SLC30A10: variants seen among roughly 807,000 people sequenced by gnomAD.
SLC30A10 encodes the protein solute carrier family 30 member 10.
A neutral mutation model predicts 21.7 loss-of-function variants in SLC30A10; 8 were observed. The ratio of observed to expected loss-of-function variants is 0.37; its 90% CI spans 0.22 to 0.67. The LOEUF (loss-of-function observed/expected upper bound fraction) is 0.67. Ranked by LOEUF, SLC30A10 falls within the 30% of genes least tolerant of loss-of-function variation. The pLI is 0.58. For missense variants in SLC30A10, 521 were observed against 642.5 expected (o/e 0.81, Z 2.04); for synonymous variants, 272 against 279.4 (o/e 0.97, Z 0.26).
At position 219,944,664 on chromosome 1, in the gene SLC30A10, A is replaced by T. The variant is rs144463589; in HGVS notation, n.80+13904T>A. Among the ~76,000 whole-genome samples the T allele has an allele frequency of 7.1e-3, 1,085 of 152,334 alleles. 8 individuals carry two copies. Among genetic ancestry groups the T allele is most frequent in the African/African-American group, 0.024 (1,014 of 41,576 alleles). ...TTATTCAAACTAGCAAAGTATTGACAGCATTAGCCAGTGATAAGTTATGTA... is the reference window on the plus strand; with the variant it reads ...TTATTCAAACTAGCAAAGTATTGACTGCATTAGCCAGTGATAAGTTATGTA... On this transcript the variant is annotated intron_variant and non_coding_transcript_variant, in intron 1 of 8. Transcript: ENST00000484239.
At chr1:219,935,944 C>A (rs1354250434) in intron 1 of SLC30A10, among the ~76,000 whole-genome samples, 1 of 151,994 alleles carries the variant, frequency 6.6e-6, no homozygotes, top group Non-Finnish European at 1.5e-5. Flanking sequence ...AAAATAAAAT[C>A]TTTTGTAAAT....
rs1228465771 is a variant in SLC30A10, at chr1:219,913,945, T to C, written c.*1504A>G. ...AAAAGAAAAAAATAATAATTTCCTA[T>C]CCTACGGATCATAGCTGCTTATTTA... On this transcript the variant is annotated 3_prime_UTR_variant, in exon 4 of 4. Coordinates refer to ENST00000366926, the MANE Select transcript of SLC30A10 (RefSeq NM_018713.3). 5 of 152,162 alleles carry C rather than the reference T, an allele frequency of 3.3e-5. No individual in the cohort carries two copies. Among genetic ancestry groups the C allele is most frequent in the Non-Finnish European group, 7.3e-5 (5 of 68,040 alleles). The allele number at this position is 152,162 out of a possible 1,614,324, so 9.4% of individuals were successfully genotyped here. A position where few individuals can be genotyped will look rare whatever the true frequency, so the allele number is the denominator to read the frequency against.
At position 219,928,437 on chromosome 1, in the gene SLC30A10, C is replaced by T; in HGVS notation, c.4G>A (p.Gly2Ser). 1 of 1,606,740 alleles carries T rather than the reference C, an allele frequency of 6.2e-7. No homozygotes were observed. The highest frequency in any genetic ancestry group is 1.1e-5 in the South Asian group (1 of 90,362). The change falls in exon 1 of 4, where the codon GGC becomes AGC. Residue 2 changes from glycine to serine, a missense_variant. Gly to Ser is a moderately conservative substitution (Grantham distance 56). Coordinates refer to ENST00000366926, the MANE Select transcript of SLC30A10 (RefSeq NM_018713.3). The surrounding 1 kb of genome is among the most constrained non-coding windows in gnomAD (Gnocchi z 6.3). Reference protein sequence around the residue: MGRYSGKTCRLL... With the variant: MSRYSGKTCRLL... Reference sequence around the variant, plus strand: ...CGGCACGTCTTGCCAGAGTAGCGGCCCATCTCGCCACCAGCCCCGGGCGCC... The same window carrying T: ...CGGCACGTCTTGCCAGAGTAGCGGCTCATCTCGCCACCAGCCCCGGGCGCC...
rs112826023 is a variant in SLC30A10 at position 219,922,543 on chromosome 1, G to A, written c.719-4049C>T. On this transcript the variant is annotated intron_variant, in intron 2 of 3. Coordinates refer to ENST00000366926, the MANE Select transcript of SLC30A10 (RefSeq NM_018713.3). ...GAGGACGTGCTCGTGGGGCAACGCT[G>A]GAGGCTGACGTGCTAAATTTGGACT... Among the ~76,000 whole-genome samples, 930 of 152,186 alleles carry A rather than the reference G, an allele frequency of 6.1e-3. 3 individuals carry two copies. Among genetic ancestry groups the A allele is most frequent in the Middle Eastern group, 0.058 (17 of 294 alleles).
At chr1:219,933,071 A>G (rs199781937), upstream of SLC30A10, among the ~76,000 whole-genome samples, 57 of 152,014 alleles carry the variant, frequency 3.7e-4, no homozygotes, top group East Asian at 9.9e-3. Context: ...AAAAAAAAAA[A>G]AAGAAGAAAG....
At chr1:219,930,767 T>C (rs1398011692), upstream of SLC30A10, among the ~76,000 whole-genome samples, 1 of 152,230 alleles carries the variant, frequency 6.6e-6, no homozygotes, top group Non-Finnish European at 1.5e-5. Flanking sequence ...TAAGAAGATA[T>C]AGACTACGGT....
chr1:219,950,235 T>C (rs1321744236), intron 1 of SLC30A10, among the ~76,000 whole-genome samples: 1 of 152,254 alleles, frequency 6.6e-6, no homozygotes, highest in African/African-American at 2.4e-5. Context: ...TGACATTGCA[T>C]TACCATTAAA....
chr1:219,927,285 T>C, intron 1 of SLC30A10, 180 bp from the exon 2 acceptor site: 2 of 627,742 alleles, frequency 3.2e-6, no homozygotes, highest in Non-Finnish European at 5.5e-6. Flanking sequence ...GTGATCCACC[T>C]TTGGACTTCA....
Position 219,928,284 on chromosome 1 carries a change from C to T in SLC30A10, c.157G>A (p.Val53Met), listed in dbSNP as rs1447769714. The T allele has an allele frequency of 1.2e-6, 2 of 1,603,504 alleles. No homozygotes were observed. Among genetic ancestry groups the T allele is most frequent in the Non-Finnish European group, 1.7e-6 (2 of 1,176,144 alleles). Residue 53 changes from valine to methionine, a missense_variant, in exon 1 of 4, where the codon GTG becomes ATG. Val to Met is a conservative substitution (Grantham distance 21, BLOSUM62 1). Coordinates refer to ENST00000366926, the MANE Select transcript of SLC30A10 (RefSeq NM_018713.3). This position sits in a 1 kb window ranked among gnomAD's most constrained non-coding sequence, Gnocchi z 6.3. Reference protein sequence around the residue: ...NMLSDLISLCVGLSAGYIARR... With the variant: ...NMLSDLISLCMGLSAGYIARR... The stretch of plus-strand genomic sequence containing the variant: ...GCGATGTAGCCGGCGCTCAGGCCCA[C>T]GCACAGCGAGATCAGGTCGGAGAGC...
chr1:219,929,109 C>T (rs576967997), upstream of SLC30A10, among the ~76,000 whole-genome samples: 1 of 152,246 alleles, frequency 6.6e-6, no homozygotes, highest in Non-Finnish European at 1.5e-5. Context: ...CAGCCCTCCA[C>T]CCTCATTCCA....
At chr1:219,920,905 G>C (rs547074530) in intron 2 of SLC30A10, among the ~76,000 whole-genome samples, 1 of 152,228 alleles carries the variant, frequency 6.6e-6, no homozygotes, top group East Asian at 1.9e-4. Flanking sequence ...AAGGGCCCCA[G>C]GGAAGACCCC....
chr1:219,955,696 G>A (rs993636891), intron 1 of SLC30A10, among the ~76,000 whole-genome samples: 2 of 152,144 alleles, frequency 1.3e-5, no homozygotes, highest in Non-Finnish European at 2.9e-5. Flanking sequence ...ACCTGGGGGA[G>A]ACTGAAGGCT....
At chr1:219,917,392 A>G (rs1475829059) in intron 3 of SLC30A10, among the ~76,000 whole-genome samples, 1 of 152,076 alleles carries the variant, frequency 6.6e-6, no homozygotes, top group Non-Finnish European at 1.5e-5. Context: ...TATTTCCTCA[A>G]TTGGGAAATG....
At chr1:219,926,882 C>A (rs56131453) in intron 2 of SLC30A10, 146 bp downstream of exon 2, 8 of 626,790 alleles carry the variant, frequency 1.3e-5, no homozygotes, top group Non-Finnish European at 2.3e-5. Context: ...GCAGTGATTA[C>A]GAAAGAGAGT....
At chr1:219,947,909 A>T (rs1437732451) in intron 1 of SLC30A10, among the ~76,000 whole-genome samples, 1 of 152,108 alleles carries the variant, frequency 6.6e-6, no homozygotes, top group Non-Finnish European at 1.5e-5. Context: ...CAACTTCAGC[A>T]AAGTTTCAGG....
chr1:219,930,350 A>G (rs970399259), upstream of SLC30A10, among the ~76,000 whole-genome samples: 1 of 152,052 alleles, frequency 6.6e-6, no homozygotes, highest in Non-Finnish European at 1.5e-5. Flanking sequence ...GTGTGTGCCT[A>G]TGGTCCCAGC....
At chr1:219,931,440 C>CAA (rs1388533371), upstream of SLC30A10, among the ~76,000 whole-genome samples, 4 of 151,582 alleles carry the variant, frequency 2.6e-5, no homozygotes, top group Non-Finnish European at 5.9e-5. Context: ...CACACACACA[C>CAA]ACAGTATATA....
upstream of SLC30A10, among the ~76,000 whole-genome samples, chr1:219,929,675 G>A (rs1281286189): frequency 1.3e-5 from 2 of 151,914 alleles, no homozygotes; most frequent in Non-Finnish European, 2.9e-5. Context: ...CACCATGCCC[G>A]GCTAATTTTT....
intron 1 of SLC30A10, among the ~76,000 whole-genome samples, chr1:219,947,721 T>G (rs990054036): frequency 2.0e-5 from 3 of 152,018 alleles, no homozygotes; most frequent in African/African-American, 7.2e-5. Context: ...TCCCAGCTAC[T>G]TGGGAGGCCA....
Sources: allele counts gnomAD v4.1 joint callset (sites outside exome capture counted in the v4.1 genomes callset), GRCh38; gene constraint gnomAD v4.1.1; non-coding constraint Gnocchi (gnomAD v3.1); transcripts MANE v1.5; gene names NCBI Gene and HGNC (gene_info 2026-07-23, HGNC 2026-07-21).